Variants in PHACTR3 observed in about 807,000 individuals in gnomAD.
PHACTR3 encodes the protein protein phosphatase 1, regulatory subunit 123.
Under a neutral mutation model 66.8 loss-of-function variants are expected in PHACTR3, and 16 were observed. The ratio of observed to expected loss-of-function variants is 0.24; its 90% CI spans 0.16 to 0.36. PHACTR3 has a LOEUF of 0.36. PHACTR3 is among the 10% of genes least tolerant of loss of function. The probability of loss-of-function intolerance (pLI) is 1.00; values close to 1 mark genes in which losing one functional copy is unlikely to be tolerated. For missense variants in PHACTR3, 647 were observed against 719.9 expected (o/e 0.90, Z 1.16); for synonymous variants, 323 against 292.1 (o/e 1.11, Z -1.08).
chr20:59,710,622 C>T (rs1206517584), intron 1 of PHACTR3, among the ~76,000 whole-genome samples: 1 of 151,898 alleles, frequency 6.6e-6, no homozygotes, highest in Non-Finnish European at 1.5e-5. Flanking sequence ...CAGAGCCTTC[C>T]CCTCTGCTAT....
At chr20:59,594,924 A>G (rs1052766180) in intron 1 of PHACTR3, among the ~76,000 whole-genome samples, 2 of 152,190 alleles carry the variant, frequency 1.3e-5, no homozygotes, top group African/African-American at 2.4e-5. Context: ...ATATACCTTC[A>G]GTGTTATAAA....
rs1303988728 is a variant in PHACTR3, at chr20:59,604,878, T to C, written c.-137T>C. Reference sequence around the variant, plus strand: ...CTCCAGCTCGTTTCCTTTCCCGGCCTTTTTTTTTTTTTTTTTTTTTTAATT... The same window carrying C: ...CTCCAGCTCGTTTCCTTTCCCGGCCCTTTTTTTTTTTTTTTTTTTTTAATT... On this transcript the variant is annotated 5_prime_UTR_variant, in exon 1 of 13. Transcript: ENST00000371015. The C allele has an allele frequency of 5.6e-6, 1 of 177,954 alleles. No homozygotes were observed. The highest frequency in any genetic ancestry group is 7.5e-6 in the Non-Finnish European group (1 of 132,840). The allele number at this position is 177,954 out of a possible 1,614,324, so 11.0% of individuals were successfully genotyped here.
intron 1 of PHACTR3, among the ~76,000 whole-genome samples, chr20:59,609,324 G>A (rs1025259458): frequency 2.0e-5 from 3 of 152,060 alleles, no homozygotes; most frequent in African/African-American, 7.2e-5. Context: ...GTGGGCTTGT[G>A]CTGATGGCCA....
In PHACTR3 at chr20:59,829,770, C is replaced by T. The variant is rs1167029875; in HGVS notation, c.1329-6735C>T. Among the ~76,000 whole-genome samples, 1 of 152,238 alleles carries T rather than the reference C, an allele frequency of 6.6e-6. No individual in the cohort carries two copies. Among genetic ancestry groups the T allele is most frequent in the Non-Finnish European group, 1.5e-5 (1 of 68,042 alleles). ...TGTTCTCTCTAGGAAGGCATTCTGC[C>T]TTGTATGGAAGGAATTGCTTCTCAA... On this transcript the variant is annotated intron_variant, in intron 8 of 12. Coordinates refer to ENST00000371015, the MANE Select transcript of PHACTR3 (RefSeq NM_080672.5). The surrounding 1 kb of genome is among the most constrained non-coding windows in gnomAD (Gnocchi z 4.2).
intron 7 of PHACTR3, among the ~76,000 whole-genome samples, chr20:59,776,732 C>T (rs1018279241): frequency 1.1e-5 from 1 of 92,696 alleles, no homozygotes; most frequent in African/African-American, 3.2e-5. Flanking sequence ...GATATGACCT[C>T]AAAACCCTCT....
At chr20:59,658,117 AATT>A (rs2035683730) in intron 1 of PHACTR3, among the ~76,000 whole-genome samples, 1 of 152,156 alleles carries the variant, frequency 6.6e-6, no homozygotes, top group South Asian at 2.1e-4. Flanking sequence ...TTTGAACTTT[AATT>A]ATTATAATTT....
intron 5 of PHACTR3, among the ~76,000 whole-genome samples, chr20:59,770,922 C>G (rs1377004592): frequency 2.0e-5 from 3 of 152,334 alleles, no homozygotes; most frequent in African/African-American, 7.2e-5. Flanking sequence ...GTAAGTGGAG[C>G]TGGGTGCGAT....
chr20:59,771,896 T>TG (rs371604693), intron 5 of PHACTR3, among the ~76,000 whole-genome samples: 68 of 152,340 alleles, frequency 4.5e-4, no homozygotes, highest in African/African-American at 1.6e-3. Context: ...TTTTAGGGAA[T>TG]GGGGTAGTTT....
intron 1 of PHACTR3, among the ~76,000 whole-genome samples, chr20:59,586,224 T>A (rs2033023995): frequency 6.6e-6 from 1 of 152,188 alleles, no homozygotes; most frequent in Non-Finnish European, 1.5e-5. Context: ...TGGACCTAAG[T>A]TCATTGCCAC....
chr20:59,618,763 T>C (rs2034125374), intron 1 of PHACTR3, among the ~76,000 whole-genome samples: 1 of 151,596 alleles, frequency 6.6e-6, no homozygotes. Context: ...AGGTGCTGTC[T>C]CACCCTGAGC....
intron 1 of PHACTR3, among the ~76,000 whole-genome samples, chr20:59,609,360 A>G (rs2033777503): frequency 6.6e-6 from 1 of 151,858 alleles, no homozygotes; most frequent in East Asian, 1.9e-4. Context: ...GTGCACCCTC[A>G]TCACCCACAC....
chr20:59,659,485 G>T (rs1433630482), intron 1 of PHACTR3, among the ~76,000 whole-genome samples: 1 of 146,956 alleles, frequency 6.8e-6, no homozygotes, highest in Non-Finnish European at 1.5e-5. Flanking sequence ...TGATTCTCCT[G>T]CCTCAGCCTC....
At chr20:59,824,305 A>G (rs561230165) in intron 8 of PHACTR3, among the ~76,000 whole-genome samples, 1 of 152,362 alleles carries the variant, frequency 6.6e-6, no homozygotes, top group East Asian at 1.9e-4. Flanking sequence ...GCTCATGAGC[A>G]GATGTAAGAT....
chr20:59,759,273 C>T (rs1485081008), intron 4 of PHACTR3, among the ~76,000 whole-genome samples: 1 of 152,194 alleles, frequency 6.6e-6, no homozygotes, highest in Non-Finnish European at 1.5e-5. Flanking sequence ...GGTCAATGTT[C>T]AGAAGCTTGG....
intron 7 of PHACTR3, among the ~76,000 whole-genome samples, chr20:59,782,094 T>C (rs2040744950): frequency 6.6e-6 from 1 of 152,162 alleles, no homozygotes; most frequent in Non-Finnish European, 1.5e-5. Flanking sequence ...CCTTAAAAGC[T>C]GATGTTCACC....
At chr20:59,647,094 A>T (rs2035306226) in intron 1 of PHACTR3, among the ~76,000 whole-genome samples, 1 of 152,222 alleles carries the variant, frequency 6.6e-6, no homozygotes. Context: ...CATATCTAGG[A>T]CTGGGTAATT....
At chr20:59,605,865 G>T (rs1450381872) in intron 1 of PHACTR3, among the ~76,000 whole-genome samples, 1 of 139,978 alleles carries the variant, frequency 7.1e-6, no homozygotes, top group African/African-American at 2.6e-5. Context: ...AGGTGGGGGG[G>T]GGGGTGGGCT....
chr20:59,694,425 T>C (rs894563446), intron 1 of PHACTR3, among the ~76,000 whole-genome samples: 1 of 151,724 alleles, frequency 6.6e-6, no homozygotes, highest in African/African-American at 2.4e-5. Flanking sequence ...AGTAGGTCAC[T>C]GTAAGTATAA....
At chr20:59,818,210 C>G (rs2041938077) in intron 8 of PHACTR3, among the ~76,000 whole-genome samples, 1 of 152,178 alleles carries the variant, frequency 6.6e-6, no homozygotes, top group South Asian at 2.1e-4. Context: ...AGTTTTCCAG[C>G]ATGTGGGCAT....
Sources: gnomAD v4.1 joint callset for allele counts (sites outside exome capture counted in the v4.1 genomes callset) on GRCh38, gnomAD v4.1.1 for gene constraint, Gnocchi (gnomAD v3.1) non-coding constraint, MANE v1.5 for transcripts, NCBI Gene and HGNC (gene_info 2026-07-23, HGNC 2026-07-21) for gene names.